PTPN23: variants seen among roughly 807,000 people sequenced by gnomAD.
The protein encoded by PTPN23 is protein tyrosine phosphatase non-receptor type 23, also known as tyrosine-protein phosphatase non-receptor type 23.
In PTPN23, 72 loss-of-function variants were observed where a neutral mutation model predicts 156.3. The ratio of observed to expected loss-of-function variants is 0.46; its 90% CI spans 0.38 to 0.56. PTPN23 has a LOEUF of 0.56. PTPN23 is among the 20% of genes least tolerant of loss of function. The pLI, the probability that PTPN23 is intolerant of heterozygous loss-of-function variation, is 0.00. For synonymous variants in PTPN23, 957 were observed against 899.6 expected (o/e 1.06, Z -1.14); for missense variants, 1,974 against 2,171.5 (o/e 0.91, Z 1.81).
Position 47,409,986 on chromosome 3 carries a change from A to G in PTPN23, c.2188A>G (p.Arg730Gly), listed in dbSNP as rs1213590168. The G allele has an allele frequency of 6.3e-7, 1 of 1,596,200 alleles. No individual in the cohort carries two copies. The highest frequency in any genetic ancestry group is 8.5e-7 in the Non-Finnish European group (1 of 1,172,716). ...AGCCCCAAAGCCGCTGCTGCCCCGCAGGGAGGAGAGTGAGGCAGTGGAAGC... is the reference window on the plus strand; with the variant it reads ...AGCCCCAAAGCCGCTGCTGCCCCGCGGGGAGGAGAGTGAGGCAGTGGAAGC... Reference protein sequence around the residue: ...PTAPKPLLPRREESEAVEAGD... With the variant: ...PTAPKPLLPRGEESEAVEAGD... Residue 730 changes from arginine (R) to glycine (G), a missense_variant, in exon 20 of 25, where the codon AGG becomes GGG. Physicochemically the swap from Arg to Gly is moderately radical, Grantham distance 125 (BLOSUM62 -2). Transcript: ENST00000265562.
At position 47,410,141 on chromosome 3, in the gene PTPN23, C is replaced by T. The variant is rs780755185; in HGVS notation, c.2343C>T (p.Gly781=). 6.3e-7 allele frequency: 1 copy of T among 1,593,772 alleles called. No individual in the cohort carries two copies. The highest frequency in any genetic ancestry group is 8.6e-7 in the Non-Finnish European group (1 of 1,169,162). ...CCAGCCCCTTCCCCAGCTCCACAGG[C>T]CCAGGACCCCACTATCTCTCAGGCC... The part of the protein sequence containing the change: ...FPPSPFPSST[G]PGPHYLSGPL... Residue 781 remains glycine, a synonymous_variant, in exon 20 of 25, where the codon GGC becomes GGT. Transcript: ENST00000265562.
Position 47,408,804 on chromosome 3 carries a change from G to C in PTPN23, c.1359G>C (p.Glu453Asp). ...TGTCAGGTGTGTTCACGGATGTGGAGGCTTCCCTGAAGGACATCAGAGATC... is the reference window on the plus strand; with the variant it reads ...TGTCAGGTGTGTTCACGGATGTGGACGCTTCCCTGAAGGACATCAGAGATC... Reference protein sequence around the residue: ...QVLSGVFTDVEASLKDIRDLL... With the variant: ...QVLSGVFTDVDASLKDIRDLL... The change falls in exon 16 of 25, where the codon GAG (glutamate) becomes GAC (aspartate). Residue 453 changes from glutamate (E) to aspartate (D), a missense_variant. This residue lies in a region of PTPN23 where 726 missense variants were observed against 929.5 expected (regional missense o/e 0.78). Transcript: ENST00000265562. The C allele has an allele frequency of 6.2e-7, 1 of 1,607,200 alleles. No homozygotes were observed. The highest frequency in any genetic ancestry group is 8.5e-7 in the Non-Finnish European group (1 of 1,176,098).
At chr3:47,402,530 T>A (rs1376427793) in intron 2 of PTPN23, among the ~76,000 whole-genome samples, 1 of 152,170 alleles carries the variant, frequency 6.6e-6, no homozygotes, top group Non-Finnish European at 1.5e-5. Context: ...TCCACCCGCC[T>A]CAGCCTCCCA....
rs189082100 is a variant in PTPN23 at position 47,398,743 on chromosome 3, T to A, written c.159+2526T>A. Among the ~76,000 whole-genome samples, 152 of 152,244 alleles carry A rather than the reference T, an allele frequency of 1.0e-3. 3 individuals are homozygous for A. Among genetic ancestry groups the A allele is most frequent in the African/African-American group, 3.4e-3 (143 of 41,536 alleles). ...CCGCATCCAGCCAATTTTTAAATTT[T>A]TTGTAGAGATGGGGTTCCCCTGTGT... On this transcript the variant is annotated intron_variant, in intron 2 of 24. Coordinates refer to ENST00000265562, the MANE Select transcript of PTPN23 (RefSeq NM_015466.4).
rs1464090460 is a variant in PTPN23 at position 47,409,701 on chromosome 3, G to A, written c.1996G>A (p.Glu666Lys). 16 of 1,609,246 alleles carry A rather than the reference G, an allele frequency of 9.9e-6. No individual in the cohort carries two copies. Among genetic ancestry groups the A allele is most frequent in the Non-Finnish European group, 1.4e-5 (16 of 1,179,842 alleles). Residue 666 changes from glutamate (E) to lysine (K), a missense_variant, in exon 19 of 25, where the codon GAG becomes AAG. This residue lies in a region of PTPN23 where 726 missense variants were observed against 929.5 expected (regional missense o/e 0.78). Coordinates refer to ENST00000265562, the MANE Select transcript of PTPN23 (RefSeq NM_015466.4). The part of the protein sequence containing the change: ...QTLVASYEAY[E>K]DLMKKSQEGR... Reference sequence around the variant, plus strand: ...CCTGGTGGCCTCGTATGAAGCCTATGAGGACCTGATGAAGAAGTCGCAGGA... The same window carrying A: ...CCTGGTGGCCTCGTATGAAGCCTATAAGGACCTGATGAAGAAGTCGCAGGA...
Position 47,413,429 on chromosome 3 carries a change from T to G in PTPN23, c.*244T>G. 1.8e-6 allele frequency: 1 copy of G among 561,672 alleles called. No individual in the cohort carries two copies. Among genetic ancestry groups the G allele is most frequent in the East Asian group, 3.0e-5 (1 of 33,694 alleles). 34.8% of individuals were successfully genotyped at this position (561,672 alleles called of 1,614,324 possible). On this transcript the variant is annotated 3_prime_UTR_variant, in exon 25 of 25. Transcript: ENST00000265562. ...GCTATTGAAATAATAAACCACCCTG[T>G]TCTGTGGCCCGTGTCTGAGTCTGCC...
In PTPN23 at chr3:47,410,539, C is replaced by G; in HGVS notation, c.2741C>G (p.Pro914Arg). The G allele has an allele frequency of 6.2e-7, 1 of 1,611,568 alleles. No individual in the cohort carries two copies. Among genetic ancestry groups the G allele is most frequent in the Non-Finnish European group, 8.5e-7 (1 of 1,179,164 alleles). The change falls in exon 20 of 25, where the codon CCA becomes CGA. Residue 914 changes from proline (P) to arginine (R), a missense_variant. Physicochemically the swap from Pro to Arg is moderately radical, Grantham distance 103. Transcript: ENST00000265562. ...APPPPCFPVP[P>R]PQPLPTPYTY... ...CCCCCGCCCTGCTTCCCTGTGCCCCCACCGCAGCCACTGCCCACGCCTTAC... is the reference window on the plus strand; with the variant it reads ...CCCCCGCCCTGCTTCCCTGTGCCCCGACCGCAGCCACTGCCCACGCCTTAC...
In PTPN23 at chr3:47,413,350, A is replaced by G. The variant is rs549992169; in HGVS notation, c.*165A>G. On this transcript the variant is annotated 3_prime_UTR_variant, in exon 25 of 25. Transcript: ENST00000265562. ...CCCCTGTGGGGTGGAAATGTACTGC[A>G]GGCTCTGGGTCAGGTTCTGCTCCTT... 9.3e-5 allele frequency: 89 copies of G among 957,614 alleles called. No homozygotes were observed. In the African/African-American group the frequency reaches 1.3e-3, roughly 14 times the overall value. 59.3% of individuals were successfully genotyped at this position (957,614 alleles called of 1,614,324 possible). A position where few individuals can be genotyped will look rare whatever the true frequency, so the allele number is the denominator to read the frequency against.
intron 15 of PTPN23, 34 bp downstream of exon 15, chr3:47,408,524 AGT>A (rs1705184672): frequency 6.3e-7 from 1 of 1,589,400 alleles, no homozygotes; most frequent in Non-Finnish European, 8.6e-7. Flanking sequence ...GGTGGAAGGG[AGT>A]GTGGAGGTCA....
intron 1 of PTPN23, among the ~76,000 whole-genome samples, chr3:47,384,808 G>T (rs1487775751): frequency 1.3e-5 from 2 of 151,898 alleles, no homozygotes; most frequent in Non-Finnish European, 2.9e-5. Context: ...CGTTGCCCAG[G>T]CTGGAGTGCA....
In PTPN23 at chr3:47,410,372, A is replaced by G. The variant is rs761756942; in HGVS notation, c.2574A>G (p.Ala858=). ...GGGTAGGGCCGGCCCCACCAGTTGCAGGTCTCCCCTCGGCCCCACCTCCTC... is the reference window on the plus strand; with the variant it reads ...GGGTAGGGCCGGCCCCACCAGTTGCGGGTCTCCCCTCGGCCCCACCTCCTC... ...YVGVGPAPPV[A]GLPSAPPPQF... Residue 858 remains alanine (A), a synonymous_variant, in exon 20 of 25, where the codon GCA becomes GCG. Coordinates refer to ENST00000265562, the MANE Select transcript of PTPN23 (RefSeq NM_015466.4). 1.9e-6 allele frequency: 3 copies of G among 1,610,480 alleles called. No individual in the cohort carries two copies. The highest frequency in any genetic ancestry group is 1.7e-6 in the Non-Finnish European group (2 of 1,178,686).
intron 1 of PTPN23, among the ~76,000 whole-genome samples, chr3:47,387,403 C>CAAAAAAAAAAAAA (rs34969941): frequency 9.3e-6 from 1 of 107,922 alleles, no homozygotes. Flanking sequence ...CCTGTCTCTA[C>CAAAAAAAAAAAAA]AAAAAAAAAA....
intron 2 of PTPN23, among the ~76,000 whole-genome samples, chr3:47,401,496 C>T (rs879420620): frequency 6.6e-6 from 1 of 152,160 alleles, no homozygotes; most frequent in Admixed American, 6.5e-5. Context: ...CATGAGCCAC[C>T]ATGCCCGGCC....
rs369737264 is a variant in PTPN23, at chr3:47,411,431, C to G, written c.3633C>G (p.Ile1211Met). 6.2e-7 allele frequency: 1 copy of G among 1,613,006 alleles called. No homozygotes were observed. The highest frequency in any genetic ancestry group is 8.5e-7 in the Non-Finnish European group (1 of 1,180,034). ...AACATGATGCCCGAGGCCGTTCCAT[C>G]GCCATTGCCCGCTGCTACTCACTGA... ...AQEHDARGRS[I>M]AIARCYSLKN... The change falls in exon 20 of 25, where the codon ATC (isoleucine) becomes ATG (methionine). Residue 1211 changes from isoleucine (I) to methionine (M), a missense_variant. By Grantham distance (10) the Ile-to-Met change is conservative. Around this residue, in one of 4 missense-constraint regions of PTPN23, gnomAD observed 33 missense variants for 56.9 expected, o/e 0.58. Transcript: ENST00000265562. This position sits in a 1 kb window ranked among gnomAD's most constrained non-coding sequence, Gnocchi z 6.3.
rs924176053 is a variant in PTPN23, at chr3:47,412,296, C to T, written c.4192C>T (p.Arg1398Cys). The change falls in exon 23 of 25, where the codon CGC (arginine) becomes TGC (cysteine). Residue 1398 changes from arginine (R) to cysteine (C), a missense_variant. By Grantham distance (180) the Arg-to-Cys change is radical (BLOSUM62 -3). Around this residue, in one of 4 missense-constraint regions of PTPN23, gnomAD observed 484 missense variants for 516.0 expected, o/e 0.94. Transcript: ENST00000265562. ...IIVHCSSGVGRTGAFALLYAA... is the reference protein window; with the variant it reads ...IIVHCSSGVGCTGAFALLYAA... ...TTCTTGGCACAGCTCTGGTGTGGGC[C>T]GCACGGGAGCCTTTGCACTGCTCTA... 7 of 1,613,124 alleles carry T rather than the reference C, an allele frequency of 4.3e-6. No homozygotes were observed. The highest frequency in any genetic ancestry group is 4.2e-6 in the Non-Finnish European group (5 of 1,179,866).
At chr3:47,395,656 A>T (rs930339029) in intron 1 of PTPN23, among the ~76,000 whole-genome samples, 3 of 152,184 alleles carry the variant, frequency 2.0e-5, no homozygotes, top group Admixed American at 6.5e-5. Flanking sequence ...TGCAGATCAC[A>T]TGTTTCTATG....
rs749612349 is a variant in PTPN23, at chr3:47,412,416, G to A, written c.4312G>A (p.Glu1438Lys). 1 of 1,612,960 alleles carries A rather than the reference G, an allele frequency of 6.2e-7. No individual in the cohort carries two copies. Among genetic ancestry groups the A allele is most frequent in the Non-Finnish European group, 8.5e-7 (1 of 1,179,926 alleles). ...MRQQRKHMLQ[E>K]KLHLRFCYEA... ...GCAGCAGAGAAAGCACATGCTGCAG[G>A]AGAAGGTGAGGATCTGGGCAGATGG... Residue 1438 changes from glutamate to lysine, a missense_variant, in exon 23 of 25, where the codon GAG (glutamate) becomes AAG (lysine). This residue lies in a region of PTPN23 where 484 missense variants were observed against 516.0 expected (regional missense o/e 0.94). Coordinates refer to ENST00000265562, the MANE Select transcript of PTPN23 (RefSeq NM_015466.4).
At chr3:47,397,512 C>T (rs1704903410) in intron 2 of PTPN23, among the ~76,000 whole-genome samples, 1 of 152,224 alleles carries the variant, frequency 6.6e-6, no homozygotes, top group South Asian at 2.1e-4. Context: ...AATGTAGATA[C>T]ATGCCATAGA....
In PTPN23 at chr3:47,413,220, ATC is replaced by A; in HGVS notation, c.*36_*37del. On this transcript the variant is annotated 3_prime_UTR_variant, in exon 25 of 25. Coordinates refer to ENST00000265562, the MANE Select transcript of PTPN23 (RefSeq NM_015466.4). ...GCCTACCTGGTCCTTACACTACATC[ATC>A]ATCATCTCATGCCCACCTGCCCACA... 2 of 1,575,014 alleles carry A rather than the reference ATC, an allele frequency of 1.3e-6. No individual in the cohort carries two copies. Among genetic ancestry groups the A allele is most frequent in the Non-Finnish European group, 1.7e-6 (2 of 1,157,940 alleles).
Sources: gnomAD v4.1 joint callset for allele counts (sites outside exome capture counted in the v4.1 genomes callset) on GRCh38, gnomAD v4.1.1 for gene constraint, gnomAD v4.1.1 regional missense constraint, Gnocchi (gnomAD v3.1) non-coding constraint, MANE v1.5 for transcripts, NCBI Gene and HGNC (gene_info 2026-07-23, HGNC 2026-07-21) for gene names.